Variants in EXOC2 observed in about 807,000 individuals in gnomAD.
EXOC2 encodes the protein SEC5-like 1.
Under a neutral mutation model 131.8 loss-of-function variants are expected in EXOC2, and 70 were observed. The observed-to-expected ratio is 0.53, with a 90% confidence interval of 0.44 to 0.65. The LOEUF is 0.65. Ranked by LOEUF, EXOC2 falls within the 30% of genes least tolerant of loss-of-function variation. EXOC2 has a pLI of 0.00. For synonymous variants in EXOC2, 411 were observed against 398.4 expected (o/e 1.03, Z -0.38); for missense variants, 923 against 1,108.6 (o/e 0.83, Z 2.38).
chr6:495,324 C>T (rs184326446), intron 25 of EXOC2, among the ~76,000 whole-genome samples: 3 of 151,354 alleles, frequency 2.0e-5, no homozygotes, highest in Admixed American at 6.6e-5. Flanking sequence ...ACGGGTTTCA[C>T]CGTGTTAGCC....
At chr6:655,374 C>T (rs1263445047) in intron 1 of EXOC2, among the ~76,000 whole-genome samples, 2 of 152,166 alleles carry the variant, frequency 1.3e-5, no homozygotes, top group Non-Finnish European at 2.9e-5. Flanking sequence ...CAACAGACTA[C>T]AGTATAATGC....
At position 625,333 on chromosome 6, in the gene EXOC2, G is replaced by A. The variant is rs140153750; in HGVS notation, c.422+4502C>T. Reference sequence around the variant, plus strand: ...GGCCTGGCTGCAGCGGTGTTATTCCGCGCTTGCGGCAAAGAGAACACACTT... The same window carrying A: ...GGCCTGGCTGCAGCGGTGTTATTCCACGCTTGCGGCAAAGAGAACACACTT... On this transcript the variant is annotated intron_variant, in intron 4 of 27. Coordinates refer to ENST00000230449, the MANE Select transcript of EXOC2 (RefSeq NM_018303.6). Among the ~76,000 whole-genome samples, 17 of 152,338 alleles carry A rather than the reference G, an allele frequency of 1.1e-4. No homozygotes were observed. In the East Asian group the frequency reaches 1.5e-3, roughly 14 times the overall value.
intron 1 of EXOC2, among the ~76,000 whole-genome samples, chr6:677,964 A>AC (rs1554150242): frequency 2.7e-5 from 4 of 149,554 alleles, no homozygotes; most frequent in Non-Finnish European, 5.9e-5. Context: ...ACACACACAC[A>AC]CTCTTCACGT....
intron 10 of EXOC2, among the ~76,000 whole-genome samples, chr6:594,452 C>T (rs1362054348): frequency 6.6e-6 from 1 of 152,184 alleles, no homozygotes; most frequent in Non-Finnish European, 1.5e-5. Context: ...CTTTCACTCA[C>T]GTAGCCCTCA....
At chr6:680,879 G>C (rs1015611872) in intron 1 of EXOC2, among the ~76,000 whole-genome samples, 4 of 152,174 alleles carry the variant, frequency 2.6e-5, no homozygotes, top group Non-Finnish European at 5.9e-5. Flanking sequence ...CTAGTGTCTA[G>C]TCCAGTGCCA....
At chr6:563,095 G>A (rs56203690) in intron 16 of EXOC2, among the ~76,000 whole-genome samples, 1,818 of 152,270 alleles carry the variant, frequency 0.012, 39 homozygotes, top group African/African-American at 0.036. Context: ...GGAATTCTAC[G>A]TTGGATTTAA....
At chr6:593,814 CCCATTCTT>C (rs1481869914) in intron 10 of EXOC2, among the ~76,000 whole-genome samples, 1 of 152,210 alleles carries the variant, frequency 6.6e-6, no homozygotes, top group Non-Finnish European at 1.5e-5. Flanking sequence ...ATGCTTCCAG[CCCATTCTT>C]CCAGTAGTGA....
In EXOC2 at chr6:668,380, G is replaced by A. The variant is rs142274310; in HGVS notation, c.-44+24639C>T. The stretch of plus-strand genomic sequence containing the variant: ...CAGCATTCCAGAACTTAATTCTTCT[G>A]TCCTATCCTTCCAGGTGAAAGAAGT... On this transcript the variant is annotated intron_variant, in intron 1 of 27. Coordinates refer to ENST00000230449, the MANE Select transcript of EXOC2 (RefSeq NM_018303.6). Among the ~76,000 whole-genome samples, 1,265 of 152,178 alleles carry A rather than the reference G, an allele frequency of 8.3e-3. 27 individuals are homozygous for A. The highest frequency in any genetic ancestry group is 0.028 in the African/African-American group (1,172 of 41,506).
At chr6:659,425 C>T (rs974043768) in intron 1 of EXOC2, among the ~76,000 whole-genome samples, 8 of 152,130 alleles carry the variant, frequency 5.3e-5, no homozygotes, top group African/African-American at 7.2e-5. Context: ...TGCGAAGGCT[C>T]GCATTGTGAA....
chr6:555,125 T>C, intron 20 of EXOC2, 102 bp downstream of exon 20: 1 of 551,714 alleles, frequency 1.8e-6, no homozygotes, highest in South Asian at 7.0e-5. Context: ...CAATCTTTCT[T>C]TCTTACTAGA....
chr6:592,219 C>T (rs900059811), intron 11 of EXOC2, among the ~76,000 whole-genome samples: 2 of 152,034 alleles, frequency 1.3e-5, no homozygotes, highest in African/African-American at 2.4e-5. Context: ...GTCACCTCCT[C>T]GGCATCACGC....
intron 1 of EXOC2, among the ~76,000 whole-genome samples, chr6:668,816 C>G (rs888209975): frequency 6.6e-6 from 1 of 152,192 alleles, no homozygotes; most frequent in African/African-American, 2.4e-5. Flanking sequence ...GATTACTAAT[C>G]ATCTCTAGAT....
intron 7 of EXOC2, 100 bp downstream of exon 7, chr6:609,998 T>TGC (rs779272157): frequency 3.0e-5 from 27 of 908,508 alleles, no homozygotes; most frequent in Non-Finnish European, 3.8e-5. Context: ...AATAGTAAAA[T>TGC]GCAACTTACT....
chr6:601,228 CAAG>C (rs1221483420), intron 7 of EXOC2, among the ~76,000 whole-genome samples: 1 of 148,140 alleles, frequency 6.8e-6, no homozygotes, highest in African/African-American at 2.5e-5. Context: ...ATTCTCACAC[CAAG>C]AACACCCCGT....
chr6:514,824 C>T (rs1345293545), intron 23 of EXOC2, among the ~76,000 whole-genome samples: 1 of 152,176 alleles, frequency 6.6e-6, no homozygotes, highest in Non-Finnish European at 1.5e-5. Context: ...CCCGTGATGT[C>T]CCAGGAGGAG....
At position 667,141 on chromosome 6, in the gene EXOC2, T is replaced by A. The variant is rs1264763944; in HGVS notation, c.-44+25878A>T. Among the ~76,000 whole-genome samples, 9 of 97,730 alleles carry A rather than the reference T, an allele frequency of 9.2e-5. 3 individuals carry two copies. Among genetic ancestry groups the A allele is most frequent in the African/African-American group, 2.7e-4 (9 of 32,894 alleles). The allele number at this position is 97,730 out of a possible 152,430, so 64.1% of individuals were successfully genotyped here. ...TCAATTAATAAGAAAAACTAAAAAC[T>A]GTATTTTACCTTCATTCATCTATAA... On this transcript the variant is annotated intron_variant, in intron 1 of 27. Transcript: ENST00000230449.
chr6:610,740 C>G (rs980907730), intron 6 of EXOC2, among the ~76,000 whole-genome samples: 1 of 152,216 alleles, frequency 6.6e-6, no homozygotes, highest in Admixed American at 6.5e-5. Context: ...ACTATGAATA[C>G]ACACTCAATG....
At chr6:587,135 T>C (rs948785232) in intron 11 of EXOC2, among the ~76,000 whole-genome samples, 2 of 152,186 alleles carry the variant, frequency 1.3e-5, no homozygotes, top group Non-Finnish European at 2.9e-5. Context: ...AAAAGAAAAT[T>C]TGTGTGTATT....
intron 11 of EXOC2, among the ~76,000 whole-genome samples, chr6:577,974 A>G (rs1230532376): frequency 1.3e-5 from 2 of 152,198 alleles, no homozygotes; most frequent in Non-Finnish European, 2.9e-5. Flanking sequence ...ATTTATGTAT[A>G]TAATTTAATC....
Sources: gnomAD v4.1 joint callset for allele counts (sites outside exome capture counted in the v4.1 genomes callset) on GRCh38, gnomAD v4.1.1 for gene constraint, MANE v1.5 for transcripts, NCBI Gene and HGNC (gene_info 2026-07-23, HGNC 2026-07-21) for gene names.